Variants in GALNT17 observed in about 807,000 individuals in gnomAD.
GALNT17 encodes the protein UDP-GalNAc:polypeptide N-acetylgalactosaminyltransferase-like 3.
Under a neutral mutation model 63.7 loss-of-function variants are expected in GALNT17, and 29 were observed. That is an observed-to-expected ratio of 0.46 (90% CI 0.34 to 0.62). The LOEUF is 0.62. GALNT17 is among the 20% of genes least tolerant of loss of function. The pLI is 0.01. For missense variants in GALNT17, 603 were observed against 799.6 expected (o/e 0.75, Z 2.97); for synonymous variants, 305 against 318.3 (o/e 0.96, Z 0.45).
At chr7:71,693,305 C>CATATATATATATATATATAT (rs1375479092) in intron 9 of GALNT17, among the ~76,000 whole-genome samples, 5 of 126,076 alleles carry the variant, frequency 4.0e-5, no homozygotes, top group Middle Eastern at 3.9e-3. Flanking sequence ...CACACACACA[C>CATATATATATATATATATAT]ACACATATAT....
chr7:71,181,886 A>T (rs1788741619), intron 1 of GALNT17, among the ~76,000 whole-genome samples: 1 of 88,644 alleles, frequency 1.1e-5, no homozygotes, highest in African/African-American at 2.0e-4. Flanking sequence ...CTTAAAAGGA[A>T]AAAAAAAAGG....
At chr7:71,133,766 G>A (rs762791243) in intron 1 of GALNT17, among the ~76,000 whole-genome samples, 4 of 152,310 alleles carry the variant, frequency 2.6e-5, no homozygotes, top group African/African-American at 7.2e-5. Context: ...AGAAGAGGGA[G>A]ACTTTTTATG....
rs184509260 is a variant in GALNT17, at chr7:71,422,127, G to A, written c.962+1022G>A. ...TGCAATGAGCTGATGGAACTAAAAT[G>A]AAGAAGGGGTTGGGTCAGGAGGGCT... On this transcript the variant is annotated intron_variant, in intron 5 of 10. Transcript: ENST00000333538. 2.6e-4 allele frequency among the ~76,000 whole-genome samples: 39 copies of A among 152,228 alleles called. 4 individuals are homozygous for A. The East Asian group carries it at 2.9e-3, about 11-fold the overall frequency.
intron 5 of GALNT17, among the ~76,000 whole-genome samples, chr7:71,422,967 C>T (rs1289158231): frequency 6.6e-6 from 1 of 152,132 alleles, no homozygotes; most frequent in Non-Finnish European, 1.5e-5. Flanking sequence ...CCAGACTCTC[C>T]TTCAACTACC....
intron 6 of GALNT17, among the ~76,000 whole-genome samples, chr7:71,664,239 C>T (rs1239354312): frequency 1.3e-5 from 2 of 152,136 alleles, no homozygotes; most frequent in Non-Finnish European, 2.9e-5. Context: ...GACAGCTGCT[C>T]ATAATGGCAT....
At chr7:71,437,923 G>C (rs1786994625) in intron 5 of GALNT17, among the ~76,000 whole-genome samples, 1 of 152,122 alleles carries the variant, frequency 6.6e-6, no homozygotes, top group Non-Finnish European at 1.5e-5. Context: ...ATGTTGTCCA[G>C]GCTGGTCTCA....
intron 6 of GALNT17, among the ~76,000 whole-genome samples, chr7:71,603,965 G>A (rs35752933): frequency 0.51 from 70,378 of 136,972 alleles, 17,701 homozygotes; most frequent in East Asian, 0.75. Flanking sequence ...TGAATACCAT[G>A]CTAAGTGCAT....
intron 5 of GALNT17, among the ~76,000 whole-genome samples, chr7:71,458,056 C>T (rs183052987): frequency 6.6e-6 from 1 of 152,224 alleles, no homozygotes; most frequent in African/African-American, 2.4e-5. Context: ...TCTCTCCAAT[C>T]CCCACACTGT....
At chr7:71,232,218 C>G (rs1001134527) in intron 1 of GALNT17, among the ~76,000 whole-genome samples, 1 of 151,992 alleles carries the variant, frequency 6.6e-6, no homozygotes, top group Non-Finnish European at 1.5e-5. Context: ...CTGCCAAATC[C>G]CTGAGGCCTA....
At chr7:71,455,302 T>G (rs1787334209) in intron 5 of GALNT17, among the ~76,000 whole-genome samples, 1 of 151,668 alleles carries the variant, frequency 6.6e-6, no homozygotes, top group African/African-American at 2.4e-5. Context: ...GCACCTAGGG[T>G]AGAAAGCTTA....
At chr7:71,145,988 G>A (rs932602819) in intron 1 of GALNT17, among the ~76,000 whole-genome samples, 3 of 152,074 alleles carry the variant, frequency 2.0e-5, no homozygotes, top group South Asian at 2.1e-4. Flanking sequence ...TTACAGGCGC[G>A]AGCCACCGTA....
At chr7:71,670,901 T>TGTGTGTGTGC (rs113904463) in intron 8 of GALNT17, among the ~76,000 whole-genome samples, 1 of 150,176 alleles carries the variant, frequency 6.7e-6, no homozygotes, top group East Asian at 2.0e-4. Flanking sequence ...TGTGTGTGTG[T>TGTGTGTGTGC]GCGTGTGTGT....
At chr7:71,483,241 C>T (rs1377660987) in intron 5 of GALNT17, among the ~76,000 whole-genome samples, 1 of 152,166 alleles carries the variant, frequency 6.6e-6, no homozygotes, top group Non-Finnish European at 1.5e-5. Flanking sequence ...GAGGCCAAGG[C>T]AGGCGGATCA....
chr7:71,471,586 A>G (rs1312280131), intron 5 of GALNT17, among the ~76,000 whole-genome samples: 2 of 152,078 alleles, frequency 1.3e-5, no homozygotes, highest in African/African-American at 4.8e-5. Flanking sequence ...CTCATGGGCC[A>G]CTGGTTATCC....
chr7:71,160,266 A>G lies in GALNT17; in HGVS notation c.238+27226A>G, dbSNP rs1453130255. The stretch of plus-strand genomic sequence containing the variant: ...TCATGTATAAACACTTGTGTCCTAT[A>G]TGTTCCCTTAACATTTTAATAGGAA... On this transcript the variant is annotated intron_variant, in intron 1 of 10. Transcript: ENST00000333538. Among the ~76,000 whole-genome samples the G allele has an allele frequency of 2.0e-5, 3 of 152,212 alleles. No individual in the cohort carries two copies. In the East Asian group the frequency reaches 5.8e-4, roughly 29 times the overall value.
At chr7:71,655,906 T>C (rs80225137) in intron 6 of GALNT17, among the ~76,000 whole-genome samples, 1 of 152,152 alleles carries the variant, frequency 6.6e-6, no homozygotes, top group Non-Finnish European at 1.5e-5. Context: ...GGGCCCTTGG[T>C]TGACTGACTT....
chr7:71,467,236 A>C (rs944482145), intron 5 of GALNT17, among the ~76,000 whole-genome samples: 5 of 152,214 alleles, frequency 3.3e-5, no homozygotes, highest in African/African-American at 1.2e-4. Context: ...GCTCTGGGAT[A>C]TCTACAAAGG....
At chr7:71,247,064 C>T (rs1240200276) in intron 1 of GALNT17, among the ~76,000 whole-genome samples, 2 of 151,996 alleles carry the variant, frequency 1.3e-5, no homozygotes, top group African/African-American at 4.8e-5. Flanking sequence ...CATGAGCCAC[C>T]ACGCCCAGCC....
At chr7:71,621,596 C>T (rs1790296656) in intron 6 of GALNT17, among the ~76,000 whole-genome samples, 1 of 85,726 alleles carries the variant, frequency 1.2e-5, no homozygotes, top group African/African-American at 3.2e-5. Context: ...GATGGACAGA[C>T]AATGGATAAA....
Sources: allele counts gnomAD v4.1 joint callset (sites outside exome capture counted in the v4.1 genomes callset), GRCh38; gene constraint gnomAD v4.1.1; transcripts MANE v1.5; gene names NCBI Gene and HGNC (gene_info 2026-07-23, HGNC 2026-07-21).